FCGR2A: variants seen among roughly 807,000 people sequenced by gnomAD.
The protein encoded by FCGR2A is Fc gamma receptor IIa.
In FCGR2A, 18 loss-of-function variants were observed where a neutral mutation model predicts 29.3. The observed-to-expected ratio is 0.62, with a 90% CI of 0.43 to 0.91. The LOEUF (loss-of-function observed/expected upper bound fraction) is 0.91. FCGR2A is among the 40% of genes least tolerant of loss of function. The probability of loss-of-function intolerance (pLI) is 0.00; values close to 1 mark genes in which losing one functional copy is unlikely to be tolerated. For synonymous variants in FCGR2A, 126 were observed against 144.8 expected, an observed-to-expected ratio of 0.87 and a Z score of 0.93; for missense variants, 287 against 393.0, an observed-to-expected ratio of 0.73 and a Z score of 2.28.
downstream of FCGR2A, among the ~76,000 whole-genome samples, chr1:161,520,468 A>G (rs1676409120): frequency 6.6e-6 from 1 of 151,832 alleles, no homozygotes; most frequent in Non-Finnish European, 1.5e-5. Flanking sequence ...CCCACTTTTG[A>G]CAGATGGGGA....
rs976148789 is a variant in FCGR2A, at chr1:161,518,804, G to A, written c.*656G>A. The A allele has an allele frequency of 6.5e-6, 1 of 154,212 alleles. No individual in the cohort carries two copies. The highest frequency in any genetic ancestry group is 2.4e-5 in the African/African-American group (1 of 41,140). The allele number at this position is 154,212 out of a possible 1,614,324, so 9.6% of individuals were successfully genotyped here. On this transcript the variant is annotated 3_prime_UTR_variant, in exon 7 of 7. Transcript: ENST00000271450. ...TTGTATTTTTTATTTTTTTTTTTTA[G>A]TAGAGACAGGGTTTCGCAATGTTGG...
rs753130446 is a variant in FCGR2A, at chr1:161,506,596, G to A, written c.364+5G>A. 1.2e-6 allele frequency: 2 copies of A among 1,614,042 alleles called. No individual in the cohort carries two copies. The highest frequency in any genetic ancestry group is 2.2e-5 in the South Asian group (2 of 91,084). ...TGCATCTGACTGTGCTTTCCGGTCA[G>A]TGGAGGAAGGCCCCAGGGTGGACCT... is the stretch of plus-strand genomic sequence containing the variant. On this transcript the variant is annotated splice_donor_5th_base_variant and intron_variant, in intron 3 of 6. Coordinates refer to ENST00000271450, the MANE Select transcript of FCGR2A (RefSeq NM_001136219.3).
At chr1:161,516,354 A>G (rs2499435) in intron 6 of FCGR2A, among the ~76,000 whole-genome samples, 149 of 152,040 alleles carry the variant, frequency 9.8e-4, no homozygotes, top group African/African-American at 3.3e-3. Context: ...CAATCTGGGT[A>G]TTTGCATAGG....
intron 6 of FCGR2A, chr1:161,514,660 G>C (rs1676034806): frequency 6.6e-6 from 1 of 152,606 alleles, no homozygotes; most frequent in Non-Finnish European, 1.4e-5. Flanking sequence ...GAGTTTATTT[G>C]AGTAATTTTA....
At position 161,518,798 on chromosome 1, in the gene FCGR2A, T is replaced by TG. The variant is rs1349330017; in HGVS notation, c.*650_*651insG. On this transcript the variant is annotated 3_prime_UTR_variant, in exon 7 of 7. Transcript: ENST00000271450. ...TAATTTTTGTATTTTTTATTTTTTT[T>TG]TTTTAGTAGAGACAGGGTTTCGCAA... is the stretch of plus-strand genomic sequence containing the variant. The TG allele has an allele frequency of 1.9e-5, 3 of 155,172 alleles. No homozygotes were observed. The highest frequency in any genetic ancestry group is 6.5e-5 in the Admixed American group (1 of 15,364). 9.6% of individuals were successfully genotyped at this position (155,172 alleles called of 1,614,324 possible).
chr1:161,520,428 G>A (rs1274809796), downstream of FCGR2A, among the ~76,000 whole-genome samples: 1 of 151,816 alleles, frequency 6.6e-6, no homozygotes, highest in Admixed American at 6.6e-5. Context: ...TGGGGAAACC[G>A]TCGCCATGAC....
intron 2 of FCGR2A, 130 bp downstream of exon 2, chr1:161,506,137 C>T (rs1457136575): frequency 2.4e-6 from 3 of 1,266,580 alleles, no homozygotes; most frequent in Non-Finnish European, 3.5e-6. Flanking sequence ...ATGGGCAGTT[C>T]CCCCATTTTA....
At chr1:161,508,087 A>AG (rs1491505306) in intron 3 of FCGR2A, among the ~76,000 whole-genome samples, 6 of 12,400 alleles carry the variant, frequency 4.8e-4, no homozygotes, top group African/African-American at 1.1e-3. Context: ...ACTCTGTCTC[A>AG]AAAAAAAAAA....
At chr1:161,513,305 T>G in intron 5 of FCGR2A, 2 of 131,922 alleles carry the variant, frequency 1.5e-5, no homozygotes, top group Admixed American at 7.8e-5. Flanking sequence ...CCCTCCCTCC[T>G]TCCCTCCCTC....
intron 3 of FCGR2A, 57 bp from the exon 4 acceptor site, chr1:161,509,763 G>T (rs1472047983): frequency 6.2e-7 from 1 of 1,605,194 alleles, no homozygotes; most frequent in Non-Finnish European, 8.5e-7. Context: ...CTCTGAGACT[G>T]AAAAACCCTT....
chr1:161,509,811 G>C lies in FCGR2A; in HGVS notation c.365-9G>C. On this transcript the variant is annotated splice_polypyrimidine_tract_variant and intron_variant, in intron 3 of 6. Transcript: ENST00000271450. ...TACAACTTTTTCTTATCATATTTGTGTCTTTCAGAATGGCTGGTGCTCCAG... is the reference window on the plus strand; with the variant it reads ...TACAACTTTTTCTTATCATATTTGTCTCTTTCAGAATGGCTGGTGCTCCAG... 1 of 1,614,074 alleles carries C rather than the reference G, an allele frequency of 6.2e-7. No individual in the cohort carries two copies. Among genetic ancestry groups the C allele is most frequent in the South Asian group, 1.1e-5 (1 of 91,086 alleles).
At chr1:161,521,253 A>T (rs1402395962), downstream of FCGR2A, among the ~76,000 whole-genome samples, 2 of 151,850 alleles carry the variant, frequency 1.3e-5, no homozygotes, top group African/African-American at 4.8e-5. Flanking sequence ...GCTCCAGGAG[A>T]GGTCTTTGTC....
intron 1 of FCGR2A, chr1:161,505,775 TGTACTTTGTA>T (rs1347231054): frequency 4.2e-6 from 3 of 711,536 alleles, no homozygotes; most frequent in Middle Eastern, 3.3e-4. Flanking sequence ...AACATTCATG[TGTACTTTGTA>T]GTCATGAGGA....
At chr1:161,523,614 T>A (rs41297646), downstream of FCGR2A, 11 of 152,322 alleles carry the variant, frequency 7.2e-5, no homozygotes, top group East Asian at 1.9e-4. Flanking sequence ...CCGACCGTAC[T>A]CTGCGTCCTC....
intron 4 of FCGR2A, 145 bp downstream of exon 4, chr1:161,510,219 C>T: frequency 7.0e-7 from 1 of 1,437,080 alleles, no homozygotes; most frequent in Non-Finnish European, 9.4e-7. Flanking sequence ...GGAAGCCTGG[C>T]TAAGTATTGA....
At position 161,510,862 on chromosome 1, in the gene FCGR2A, G is replaced by A. The variant is rs138599605; in HGVS notation, c.648G>A (p.Met216Ile). Residue 216 changes from methionine (M) to isoleucine (I), a missense_variant, in exon 5 of 7, where the codon ATG becomes ATA. Transcript: ENST00000271450. ...CCAGCATGGGCAGCTCTTCACCAAT[G>A]GGGATCATTGTGGCTGTGGTCATTG... is the stretch of plus-strand genomic sequence containing the variant. ...QVPSMGSSSP[M>I]GIIVAVVIAT... 1.2e-5 allele frequency: 20 copies of A among 1,614,052 alleles called. No individual in the cohort carries two copies. The highest frequency in any genetic ancestry group is 1.6e-4 in the Middle Eastern group (1 of 6,082).
At position 161,509,858 on chromosome 1, in the gene FCGR2A, G is replaced by A; in HGVS notation, c.403G>A (p.Glu135Lys). 2 of 1,614,218 alleles carry A rather than the reference G, an allele frequency of 1.2e-6. No homozygotes were observed. The highest frequency in any genetic ancestry group is 3.3e-4 in the Middle Eastern group (2 of 6,060). The part of the protein sequence containing the change: ...VLQTPHLEFQ[E>K]GETIMLRCHS... The stretch of plus-strand genomic sequence containing the variant: ...CCAGACCCCTCACCTGGAGTTCCAG[G>A]AGGGAGAAACCATCATGCTGAGGTG... Residue 135 changes from glutamate (E) to lysine (K), a missense_variant, in exon 4 of 7, where the codon GAG (glutamate) becomes AAG (lysine). By Grantham distance (56) the Glu-to-Lys change is moderately conservative. Transcript: ENST00000271450.
At chr1:161,516,223 T>C (rs1048954745) in intron 6 of FCGR2A, among the ~76,000 whole-genome samples, 1 of 152,098 alleles carries the variant, frequency 6.6e-6, no homozygotes, top group African/African-American at 2.4e-5. Context: ...TCATTAAATA[T>C]CTACACCATT....
At chr1:161,510,723 G>A (rs186847015) in intron 4 of FCGR2A, 111 bp from the exon 5 acceptor site, 2 of 1,385,974 alleles carry the variant, frequency 1.4e-6, no homozygotes, top group Middle Eastern at 1.8e-4. Flanking sequence ...AGAGCTTCAG[G>A]TGACAAGCAC....
Sources: gnomAD v4.1 joint callset for allele counts (sites outside exome capture counted in the v4.1 genomes callset) on GRCh38, gnomAD v4.1.1 for gene constraint, MANE v1.5 for transcripts, NCBI Gene and HGNC (gene_info 2026-07-23, HGNC 2026-07-21) for gene names.